The following AGAP1 variants were observed in gnomAD, a reference collection of about 807,000 sequenced individuals.
AGAP1 encodes ArfGAP with GTPase domain, ankyrin repeat and PH domain 1.
A neutral mutation model predicts 105.3 loss-of-function variants in AGAP1; 29 were observed. That is an observed-to-expected ratio of 0.28 (90% confidence interval 0.21 to 0.38). The LOEUF is 0.38. Among genes scored for constraint, AGAP1 ranks in the 10% least tolerant of loss-of-function variants. AGAP1 has a pLI of 1.00. For missense variants in AGAP1, 998 were observed against 1,165.1 expected (o/e 0.86, Z 2.09); for synonymous variants, 509 against 485.9 (o/e 1.05, Z -0.63).
chr2:235,854,752 C>T (rs543661455), intron 9 of AGAP1, among the ~76,000 whole-genome samples: 6 of 152,316 alleles, frequency 3.9e-5, no homozygotes, highest in African/African-American at 7.2e-5. Context: ...TGTCATGGCA[C>T]GAGCTCAAAA....
intron 11 of AGAP1, among the ~76,000 whole-genome samples, chr2:235,923,018 G>A (rs768084634): frequency 4.6e-5 from 7 of 152,162 alleles, no homozygotes; most frequent in East Asian, 1.9e-4. Flanking sequence ...AGGAAGTGGC[G>A]CAGCGAGGAC....
chr2:235,604,383 G>C (rs1246000119), intron 1 of AGAP1, among the ~76,000 whole-genome samples: 1 of 151,458 alleles, frequency 6.6e-6, no homozygotes, highest in East Asian at 2.0e-4. Context: ...TCGGGAAGCT[G>C]AGGCAGGAAG....
chr2:235,755,019 C>G (rs1226325500), intron 6 of AGAP1, among the ~76,000 whole-genome samples: 1 of 152,172 alleles, frequency 6.6e-6, no homozygotes, highest in Non-Finnish European at 1.5e-5. Flanking sequence ...TCTGCTTGAC[C>G]TGGGCAGCTG....
At position 235,982,378 on chromosome 2, in the gene AGAP1, T is replaced by C. The variant is rs1201910551; in HGVS notation, c.1645+13755T>C. Among the ~76,000 whole-genome samples the C allele has an allele frequency of 1.3e-5, 2 of 152,178 alleles. No homozygotes were observed. The highest frequency in any genetic ancestry group is 4.8e-5 in the African/African-American group (2 of 41,446). Reference sequence around the variant, plus strand: ...CTATTTTCATGATTTTCCCCCAAAATATTACTTTATTCTGCACACCGTGGG... The same window carrying C: ...CTATTTTCATGATTTTCCCCCAAAACATTACTTTATTCTGCACACCGTGGG... On this transcript the variant is annotated intron_variant, in intron 13 of 17. Transcript: ENST00000304032. This position sits in a 1 kb window ranked among gnomAD's most constrained non-coding sequence, Gnocchi z 4.9.
intron 1 of AGAP1, among the ~76,000 whole-genome samples, chr2:235,529,073 G>A (rs1032679590): frequency 3.9e-5 from 6 of 152,176 alleles, no homozygotes; most frequent in African/African-American, 1.4e-4. Context: ...AAAACACCAC[G>A]TCCCCTTGCC....
In AGAP1 at chr2:235,976,308, G is replaced by A. The variant is rs981220841; in HGVS notation, c.1645+7685G>A. Among the ~76,000 whole-genome samples the A allele has an allele frequency of 2.6e-4, 39 of 152,248 alleles. No homozygotes were observed. Among genetic ancestry groups the A allele is most frequent in the South Asian group, 2.1e-4 (1 of 4,818 alleles). On this transcript the variant is annotated intron_variant, in intron 13 of 17. Transcript: ENST00000304032. This position sits in a 1 kb window ranked among gnomAD's most constrained non-coding sequence, Gnocchi z 4.5. ...GAGTAGATCATCTGGGTTTACTCTA[G>A]ACATTGACATTGTAGATTGGGCACA...
In AGAP1 at chr2:235,611,943, C is replaced by T. The variant is rs531838346; in HGVS notation, c.164-97236C>T. ...TGTGGGCACGGTTTAAGGGTTGAGA[C>T]CACATCCTAGGTGGCGGTCACAAAC... is the stretch of plus-strand genomic sequence containing the variant. On this transcript the variant is annotated intron_variant, in intron 1 of 17. Transcript: ENST00000304032. This position sits in a 1 kb window ranked among gnomAD's most constrained non-coding sequence, Gnocchi z 5.0. 1.3e-5 allele frequency among the ~76,000 whole-genome samples: 2 copies of T among 152,270 alleles called. No individual in the cohort carries two copies. The highest frequency in any genetic ancestry group is 2.4e-5 in the African/African-American group (1 of 41,556).
In AGAP1 at chr2:236,020,675, A is replaced by G. The variant is rs1260711088; in HGVS notation, c.1646-15886A>G. 6.6e-6 allele frequency among the ~76,000 whole-genome samples: 1 copy of G among 152,232 alleles called. No homozygotes were observed. Among genetic ancestry groups the G allele is most frequent in the Non-Finnish European group, 1.5e-5 (1 of 68,044 alleles). On this transcript the variant is annotated intron_variant, in intron 13 of 17. Coordinates refer to ENST00000304032, the MANE Select transcript of AGAP1 (RefSeq NM_001037131.3). The surrounding 1 kb of genome is among the most constrained non-coding windows in gnomAD (Gnocchi z 5.0). ...AAGTGAAGCCTGTGAAGTGCTTCCC[A>G]CAGAGCTGGGCACATAGGGAAGCTG...
intron 1 of AGAP1, among the ~76,000 whole-genome samples, chr2:235,693,957 A>G (rs1179305447): frequency 6.6e-6 from 1 of 152,190 alleles, no homozygotes; most frequent in Non-Finnish European, 1.5e-5. Context: ...AACATTTTAT[A>G]AAAAGTAACA....
At chr2:235,796,000 G>A (rs1473038268) in intron 6 of AGAP1, among the ~76,000 whole-genome samples, 4 of 152,166 alleles carry the variant, frequency 2.6e-5, no homozygotes, top group Admixed American at 2.6e-4. Flanking sequence ...TTCTACAAAT[G>A]AAAATGTCTG....
At chr2:235,933,183 A>G (rs1340577605) in intron 12 of AGAP1, among the ~76,000 whole-genome samples, 1 of 152,232 alleles carries the variant, frequency 6.6e-6, no homozygotes, top group Non-Finnish European at 1.5e-5. Flanking sequence ...AAAGAAAATC[A>G]AACTTGAGAA....
At chr2:236,067,405 A>G (rs1263817293) in intron 16 of AGAP1, among the ~76,000 whole-genome samples, 5 of 152,200 alleles carry the variant, frequency 3.3e-5, no homozygotes, top group Non-Finnish European at 7.3e-5. Flanking sequence ...AACTTGTAAG[A>G]GTGAGACACT....
intron 9 of AGAP1, among the ~76,000 whole-genome samples, chr2:235,819,404 T>C (rs62190880): frequency 0.21 from 32,456 of 152,060 alleles, 4,322 homozygotes; most frequent in Non-Finnish European, 0.3. Context: ...CGTGAGCCAC[T>C]GCGCCTGGCA....
In AGAP1 at chr2:235,611,842, A is replaced by G. The variant is rs1327692377; in HGVS notation, c.164-97337A>G. Among the ~76,000 whole-genome samples the G allele has an allele frequency of 6.6e-6, 1 of 152,136 alleles. No homozygotes were observed. The highest frequency in any genetic ancestry group is 1.9e-4 in the East Asian group (1 of 5,198). ...TTAGATTTACATAGGAGACAAAGAA[A>G]TCCTTCCCTCCCTGTTCCAGTTGTG... On this transcript the variant is annotated intron_variant, in intron 1 of 17. Coordinates refer to ENST00000304032, the MANE Select transcript of AGAP1 (RefSeq NM_001037131.3). The surrounding 1 kb of genome is among the most constrained non-coding windows in gnomAD (Gnocchi z 5.0).
intron 15 of AGAP1, among the ~76,000 whole-genome samples, chr2:236,048,823 C>T (rs1317113323): frequency 2.0e-5 from 3 of 152,178 alleles, no homozygotes; most frequent in African/African-American, 4.8e-5. Context: ...ATTTATTGTG[C>T]GGGAAATTCC....
At chr2:235,922,422 C>T (rs2052228337) in intron 11 of AGAP1, among the ~76,000 whole-genome samples, 1 of 152,188 alleles carries the variant, frequency 6.6e-6, no homozygotes, top group Non-Finnish European at 1.5e-5. Flanking sequence ...AGAGTTGCTC[C>T]TCTTTTCAGG....
At chr2:235,524,495 T>C in intron 1 of AGAP1, 1 of 344,764 alleles carries the variant, frequency 2.9e-6, no homozygotes, top group Non-Finnish European at 6.1e-6. Flanking sequence ...TTGCTTGTCC[T>C]TGCTGTGAGA....
At chr2:235,513,228 C>A (rs1427394041) in intron 1 of AGAP1, among the ~76,000 whole-genome samples, 1 of 152,092 alleles carries the variant, frequency 6.6e-6, no homozygotes, top group Non-Finnish European at 1.5e-5. Flanking sequence ...GGTTAAAATG[C>A]AGATCACTGT....
chr2:235,933,764 C>T (rs778073835), intron 12 of AGAP1, among the ~76,000 whole-genome samples: 1 of 152,048 alleles, frequency 6.6e-6, no homozygotes, highest in East Asian at 1.9e-4. Flanking sequence ...ATCTCTTGAC[C>T]TCATGATCTG....
Sources: allele counts gnomAD v4.1 joint callset (sites outside exome capture counted in the v4.1 genomes callset), GRCh38; gene constraint gnomAD v4.1.1; non-coding constraint Gnocchi (gnomAD v3.1); transcripts MANE v1.5; gene names NCBI Gene and HGNC (gene_info 2026-07-23, HGNC 2026-07-21).